Variants in LRRC7 observed in about 807,000 individuals in gnomAD.
LRRC7 encodes the protein leucine-rich repeat-containing protein 7.
Under a neutral mutation model 175.7 loss-of-function variants are expected in LRRC7, and 23 were observed. That is an observed-to-expected ratio of 0.13 (90% CI 0.09 to 0.19). The LOEUF (loss-of-function observed/expected upper bound fraction) is 0.19, where lower values mean the gene tolerates loss of function less well. Ranked by LOEUF, LRRC7 falls within the 10% of genes least tolerant of loss-of-function variation. The pLI is 1.00. For missense variants in LRRC7, 1,354 were observed against 1,904.7 expected, an observed-to-expected ratio of 0.71 and a Z score of 5.38; for synonymous variants, 685 against 680.9, an observed-to-expected ratio of 1.01 and a Z score of -0.09.
At chr1:69,858,786 C>T (rs1684016269) in intron 7 of LRRC7, among the ~76,000 whole-genome samples, 1 of 152,124 alleles carries the variant, frequency 6.6e-6, no homozygotes, top group Non-Finnish European at 1.5e-5. Flanking sequence ...GCTCATTTTG[C>T]ATTTCCTGAG....
At position 69,891,200 on chromosome 1, in the gene LRRC7, A is replaced by G. The variant is rs1052466503; in HGVS notation, c.648-40307A>G. ...CTTAACCATTTCTAGCTTTTGATTT[A>G]AAGTGGAAGACCCACAAATCTTCCT... On this transcript the variant is annotated intron_variant, in intron 7 of 26. Coordinates refer to ENST00000651989, the MANE Select transcript of LRRC7 (RefSeq NM_001370785.2). Among the ~76,000 whole-genome samples the G allele has an allele frequency of 3.9e-5, 6 of 152,332 alleles. No individual in the cohort carries two copies. In the East Asian group the frequency reaches 7.7e-4, roughly 20 times the overall value.
intron 7 of LRRC7, among the ~76,000 whole-genome samples, chr1:69,923,785 G>A (rs893231173): frequency 1.1e-4 from 17 of 151,970 alleles, no homozygotes; most frequent in African/African-American, 4.1e-4. Context: ...TTCTTTTGCT[G>A]TGCAGAAGCT....
intron 8 of LRRC7, among the ~76,000 whole-genome samples, chr1:69,960,017 A>G (rs1359455773): frequency 6.6e-6 from 1 of 152,034 alleles, no homozygotes; most frequent in Non-Finnish European, 1.5e-5. Context: ...GTTAAGGAGG[A>G]GTCCCTCCTT....
intron 4 of LRRC7, among the ~76,000 whole-genome samples, chr1:69,795,160 T>C (rs1675578881): frequency 6.6e-6 from 1 of 152,118 alleles, no homozygotes; most frequent in Non-Finnish European, 1.5e-5. Context: ...GGCCAGGGGA[T>C]CGTGAGGTCG....
At chr1:69,669,155 A>G (rs1263334209) in intron 1 of LRRC7, among the ~76,000 whole-genome samples, 5 of 152,070 alleles carry the variant, frequency 3.3e-5, no homozygotes, top group Non-Finnish European at 7.4e-5. Flanking sequence ...CTGTGTCCTT[A>G]CTATTACCAG....
At chr1:69,733,943 T>C (rs1667843879) in intron 2 of LRRC7, among the ~76,000 whole-genome samples, 3 of 152,022 alleles carry the variant, frequency 2.0e-5, no homozygotes, top group Admixed American at 2.0e-4. Flanking sequence ...ATAATCCTAT[T>C]GTAGTTTTTA....
intron 8 of LRRC7, among the ~76,000 whole-genome samples, chr1:69,974,862 A>G (rs1652646496): frequency 6.6e-6 from 1 of 152,088 alleles, no homozygotes; most frequent in African/African-American, 2.4e-5. Context: ...AACTCTCTTC[A>G]TTATTTTGGA....
intron 14 of LRRC7, among the ~76,000 whole-genome samples, chr1:70,016,894 C>T (rs986906582): frequency 3.3e-5 from 5 of 151,936 alleles, no homozygotes; most frequent in African/African-American, 1.2e-4. Flanking sequence ...TACCACAATC[C>T]CCACAACAGG....
chr1:69,589,286 T>C (rs1317317023), intron 1 of LRRC7, among the ~76,000 whole-genome samples: 1 of 152,048 alleles, frequency 6.6e-6, no homozygotes, highest in East Asian at 1.9e-4. Flanking sequence ...TCACTGAAAC[T>C]GTCCTTAAAA....
rs1666891269 is a variant in LRRC7 at position 70,136,745 on chromosome 1, T to TTC, written c.*14858_*14859insTC. ...CCTTTTTTTTTTTTTTTTTTTTTTT[T>TTC]CTGAGACAGGGTCTTGCTCTGTCAC... On this transcript the variant is annotated 3_prime_UTR_variant, in exon 27 of 27. Transcript: ENST00000651989. 7.0e-6 allele frequency among the ~76,000 whole-genome samples: 1 copy of TTC among 143,588 alleles called. No individual in the cohort carries two copies. The highest frequency in any genetic ancestry group is 1.5e-5 in the Non-Finnish European group (1 of 65,960). 94.2% of individuals were successfully genotyped at this position (143,588 alleles called of 152,430 possible).
rs144353117 is a variant in LRRC7 at position 69,783,821 on chromosome 1, C to A, written c.304-8222C>A. On this transcript the variant is annotated intron_variant, in intron 3 of 26. Transcript: ENST00000651989. ...CATCTATAAGTGGAAAAGAATAAAT[C>A]CTTACTTCATATCATTCTCAAAAAT... Among the ~76,000 whole-genome samples the A allele has an allele frequency of 3.4e-5, 5 of 149,244 alleles. No individual in the cohort carries two copies. In the East Asian group the frequency reaches 1.0e-3, roughly 30 times the overall value.
intron 1 of LRRC7, among the ~76,000 whole-genome samples, chr1:69,642,478 T>C (rs979597317): frequency 9.9e-5 from 15 of 152,086 alleles, no homozygotes; most frequent in African/African-American, 3.6e-4. Context: ...TCTATTATAG[T>C]AAATATAATA....
rs1666701558 is a variant in LRRC7, at chr1:70,132,429, A to G, written c.*10542A>G. On this transcript the variant is annotated 3_prime_UTR_variant, in exon 27 of 27. Coordinates refer to ENST00000651989, the MANE Select transcript of LRRC7 (RefSeq NM_001370785.2). ...TCTCATTTTTAAAAATTACCAGAGTACTTTTCTTTTTTCTTTTCTTTTCTT... is the reference window on the plus strand; with the variant it reads ...TCTCATTTTTAAAAATTACCAGAGTGCTTTTCTTTTTTCTTTTCTTTTCTT... 1 of 147,776 alleles carries G rather than the reference A, an allele frequency of 6.8e-6. No homozygotes were observed. The highest frequency in any genetic ancestry group is 1.5e-5 in the Non-Finnish European group (1 of 67,644). 9.2% of individuals were successfully genotyped at this position (147,776 alleles called of 1,614,324 possible).
At chr1:69,829,182 G>A (rs191302794) in intron 5 of LRRC7, among the ~76,000 whole-genome samples, 3 of 151,844 alleles carry the variant, frequency 2.0e-5, no homozygotes, top group African/African-American at 7.2e-5. Context: ...TTACAAATAA[G>A]GAAATCAACT....
intron 11 of LRRC7, among the ~76,000 whole-genome samples, chr1:70,002,488 T>A (rs762780208): frequency 3.3e-5 from 5 of 152,246 alleles, no homozygotes; most frequent in African/African-American, 1.2e-4. Flanking sequence ...ATCTTTTGTA[T>A]CATCATTTAA....
chr1:69,853,915 T>C (rs182105604), intron 7 of LRRC7, among the ~76,000 whole-genome samples: 127 of 152,310 alleles, frequency 8.3e-4, no homozygotes, highest in African/African-American at 3.0e-3. Context: ...TTGTAAAGCC[T>C]GGCAGATATT....
At chr1:69,994,669 A>G (rs755859212) in intron 11 of LRRC7, 36 bp downstream of exon 11, 7 of 1,432,494 alleles carry the variant, frequency 4.9e-6, no homozygotes, top group Admixed American at 1.7e-5. Flanking sequence ...CTGCCTCTCA[A>G]AAGCCAGAAA....
chr1:69,783,431 C>T (rs563646776), intron 3 of LRRC7, among the ~76,000 whole-genome samples: 4 of 152,058 alleles, frequency 2.6e-5, no homozygotes, highest in African/African-American at 4.8e-5. Flanking sequence ...GGTTGTCTTG[C>T]AAACCAGTGG....
At chr1:69,741,105 G>A (rs540988991) in intron 2 of LRRC7, among the ~76,000 whole-genome samples, 1 of 152,098 alleles carries the variant, frequency 6.6e-6, no homozygotes, top group African/African-American at 2.4e-5. Context: ...AGGGAGTCAT[G>A]TCAACAATTT....
Sources: allele counts gnomAD v4.1 joint callset (sites outside exome capture counted in the v4.1 genomes callset), GRCh38; gene constraint gnomAD v4.1.1; transcripts MANE v1.5; gene names NCBI Gene and HGNC (gene_info 2026-07-23, HGNC 2026-07-21).